Variants in AGBL4 observed in about 807,000 individuals in gnomAD.
AGBL4 encodes cytosolic carboxypeptidase 6.
In AGBL4, 58 loss-of-function variants were observed where a neutral mutation model predicts 66.4. That is an observed-to-expected ratio of 0.87 (90% confidence interval 0.71 to 1.09). AGBL4 has a LOEUF of 1.09. AGBL4 is among the 50% of genes least tolerant of loss of function. AGBL4 has a pLI of 0.00. For synonymous variants in AGBL4, 234 were observed against 222.9 expected (o/e 1.05, Z -0.44); for missense variants, 579 against 631.0 (o/e 0.92, Z 0.88).
chr1:49,261,512 A>G lies in AGBL4; in HGVS notation c.283-15648T>C, dbSNP rs1456424393. Among the ~76,000 whole-genome samples the G allele has an allele frequency of 5.2e-4, 78 of 149,678 alleles. 1 individual carries two copies. Among genetic ancestry groups the G allele is most frequent in the African/African-American group, 1.8e-3 (72 of 41,106 alleles). On this transcript the variant is annotated intron_variant, in intron 3 of 13. Transcript: ENST00000371839. ...AAATCACAAGCATTCTTATACACCAATAACAGACAAACAGAGAGCCAAATC... is the reference window on the plus strand; with the variant it reads ...AAATCACAAGCATTCTTATACACCAGTAACAGACAAACAGAGAGCCAAATC...
At chr1:49,457,395 A>T (rs79450823) in intron 3 of AGBL4, among the ~76,000 whole-genome samples, 1 of 150,816 alleles carries the variant, frequency 6.6e-6, no homozygotes, top group African/African-American at 2.4e-5. Context: ...TCTATTCATT[A>T]TCTCAGCCCA....
At chr1:48,733,479 G>A (rs559148300) in intron 6 of AGBL4, among the ~76,000 whole-genome samples, 5 of 152,234 alleles carry the variant, frequency 3.3e-5, no homozygotes, top group East Asian at 1.9e-4. Context: ...TGATTGATGC[G>A]AACTATCATA....
intron 9 of AGBL4, among the ~76,000 whole-genome samples, chr1:48,597,782 A>G (rs1645016816): frequency 6.7e-6 from 1 of 149,750 alleles, no homozygotes; most frequent in African/African-American, 2.5e-5. Context: ...GAAAGGGTGG[A>G]AGGAAGGAAG....
intron 4 of AGBL4, among the ~76,000 whole-genome samples, chr1:49,114,288 C>T (rs960192025): frequency 6.6e-6 from 1 of 152,172 alleles, no homozygotes; most frequent in African/African-American, 2.4e-5. Context: ...TTTCTTTAAA[C>T]CATATGAACC....
rs574082641 is a variant in AGBL4, at chr1:49,569,546, T to C, written c.282+127767A>G. ...ATTAATTTTAAAAAAGAAAGCATGC[T>C]TACATTTGCGTTTTAGTTTTTAATA... On this transcript the variant is annotated intron_variant, in intron 3 of 13. Transcript: ENST00000371839. Among the ~76,000 whole-genome samples, 6 of 152,280 alleles carry C rather than the reference T, an allele frequency of 3.9e-5. No homozygotes were observed. The East Asian group carries it at 9.6e-4, about 24-fold the overall frequency.
At chr1:49,731,311 T>C (rs1469240483) in intron 2 of AGBL4, among the ~76,000 whole-genome samples, 3 of 152,218 alleles carry the variant, frequency 2.0e-5, no homozygotes, top group Admixed American at 6.5e-5. Flanking sequence ...GCCATCTTAA[T>C]TGCCCTAAAC....
intron 3 of AGBL4, among the ~76,000 whole-genome samples, chr1:49,258,587 G>C (rs1446539801): frequency 6.6e-6 from 1 of 152,118 alleles, no homozygotes; most frequent in Non-Finnish European, 1.5e-5. Context: ...GAAATGAAGT[G>C]AGAAGGGAAG....
intron 2 of AGBL4, among the ~76,000 whole-genome samples, chr1:49,849,316 T>C (rs775613289): frequency 3.3e-5 from 5 of 151,986 alleles, no homozygotes; most frequent in Non-Finnish European, 5.9e-5. Flanking sequence ...TCCAGGGTCA[T>C]TGACACTCTA....
In AGBL4 at chr1:49,526,709, CAA is replaced by C. The variant is rs143610964; in HGVS notation, c.282+170602_282+170603del. On this transcript the variant is annotated intron_variant, in intron 3 of 13. Transcript: ENST00000371839. ...TAAATGAGTGTTCAGCAGAGGATGACAAAGAGTTTGGAGCATAGAATATGACA... is the reference window on the plus strand; with the variant it reads ...TAAATGAGTGTTCAGCAGAGGATGACAGAGTTTGGAGCATAGAATATGACA... Among the ~76,000 whole-genome samples, 927 of 152,102 alleles carry C rather than the reference CAA, an allele frequency of 6.1e-3. 9 individuals are homozygous for C. The highest frequency in any genetic ancestry group is 0.021 in the African/African-American group (862 of 41,506).
intron 1 of AGBL4, chr1:49,995,323 T>C (rs61749053): frequency 0.05 from 22,648 of 453,662 alleles, 613 homozygotes; most frequent in African/African-American, 0.07. Context: ...ACAGTGAAAG[T>C]GAGACCAGCC....
intron 2 of AGBL4, among the ~76,000 whole-genome samples, chr1:49,732,216 A>G (rs1045799446): frequency 6.6e-6 from 1 of 152,224 alleles, no homozygotes; most frequent in Non-Finnish European, 1.5e-5. Context: ...AAGACTGTGT[A>G]CATCCACAGT....
At chr1:49,917,054 C>A (rs769940145) in intron 1 of AGBL4, among the ~76,000 whole-genome samples, 41 of 152,070 alleles carry the variant, frequency 2.7e-4, no homozygotes, top group South Asian at 6.2e-4. Context: ...TTGTCACCAC[C>A]AGGCCTGCCC....
In AGBL4 at chr1:48,906,597, T is replaced by A. The variant is rs555912559; in HGVS notation, c.595-39367A>T. 1.4e-4 allele frequency among the ~76,000 whole-genome samples: 22 copies of A among 152,204 alleles called. No individual in the cohort carries two copies. The South Asian group carries it at 4.6e-3, about 32-fold the overall frequency. The stretch of plus-strand genomic sequence containing the variant: ...TCAGAGGAACAAATGGAACAGCATA[T>A]TCAGAGTTGGGGGCCTGGAAAACAG... On this transcript the variant is annotated intron_variant, in intron 5 of 13. Coordinates refer to ENST00000371839, the MANE Select transcript of AGBL4 (RefSeq NM_032785.4).
intron 6 of AGBL4, among the ~76,000 whole-genome samples, chr1:48,801,161 A>G (rs1645797505): frequency 6.6e-6 from 1 of 152,170 alleles, no homozygotes; most frequent in Non-Finnish European, 1.5e-5. Context: ...ATCTGACTCC[A>G]CTGTGCCCCA....
intron 4 of AGBL4, among the ~76,000 whole-genome samples, chr1:49,198,328 T>C (rs762700727): frequency 7.2e-5 from 11 of 152,162 alleles, no homozygotes; most frequent in Non-Finnish European, 1.3e-4. Context: ...GTGAATCTTT[T>C]ATTTTACTTT....
intron 1 of AGBL4, among the ~76,000 whole-genome samples, chr1:49,913,570 C>T (rs1163123198): frequency 6.6e-6 from 1 of 152,204 alleles, no homozygotes; most frequent in African/African-American, 2.4e-5. Context: ...GAGTTGGATG[C>T]TGGTGGCCCT....
intron 4 of AGBL4, among the ~76,000 whole-genome samples, chr1:49,136,394 C>T (rs1267221038): frequency 6.6e-6 from 1 of 152,112 alleles, no homozygotes; most frequent in Non-Finnish European, 1.5e-5. Context: ...AAGCTGAATT[C>T]AAATATAGAC....
chr1:49,282,848 C>T (rs572028481), intron 3 of AGBL4, among the ~76,000 whole-genome samples: 7 of 152,290 alleles, frequency 4.6e-5, no homozygotes, highest in South Asian at 4.2e-4. Context: ...GATTATATCC[C>T]GCACCTGGCT....
chr1:49,247,510 G>C (rs1651738372), intron 3 of AGBL4, among the ~76,000 whole-genome samples: 1 of 152,030 alleles, frequency 6.6e-6, no homozygotes, highest in African/African-American at 2.4e-5. Context: ...TCAGGGTCTT[G>C]GCTAGTATCT....
Sources: allele counts gnomAD v4.1 joint callset (sites outside exome capture counted in the v4.1 genomes callset), GRCh38; gene constraint gnomAD v4.1.1; transcripts MANE v1.5; gene names NCBI Gene and HGNC (gene_info 2026-07-23, HGNC 2026-07-21).